The following FER1L5 variants were observed in gnomAD, a reference collection of about 807,000 sequenced individuals.
FER1L5 encodes fer-1-like protein 5.
In FER1L5, 187 loss-of-function variants were observed where a neutral mutation model predicts 279.9. The observed-to-expected ratio is 0.67, with a 90% CI of 0.59 to 0.75. The LOEUF is 0.75. Ranked by LOEUF, FER1L5 falls within the 30% of genes least tolerant of loss-of-function variation. The probability of loss-of-function intolerance (pLI) is 0.00; values close to 1 mark genes in which losing one functional copy is unlikely to be tolerated. For synonymous variants in FER1L5, 921 were observed against 989.7 expected (o/e 0.93, Z 1.30); for missense variants, 2,091 against 2,594.4 (o/e 0.81, Z 4.21).
chr2:96,689,945 A>G lies in FER1L5; in HGVS notation c.2640+187A>G, dbSNP rs2106634942. Among the ~76,000 whole-genome samples, 1 of 152,266 alleles carries G rather than the reference A, an allele frequency of 6.6e-6. No individual in the cohort carries two copies. The highest frequency in any genetic ancestry group is 1.9e-4 in the East Asian group (1 of 5,156). ...CACTGATGGGGTGAGGGGTTTGTAG[A>G]AATACCTTAAATAAGACTGAGAAAC... On this transcript the variant is annotated intron_variant, in intron 26 of 52. Transcript: ENST00000624922. This position sits in a 1 kb window ranked among gnomAD's most constrained non-coding sequence, Gnocchi z 4.6.
Position 96,668,698 on chromosome 2 carries a change from G to A in FER1L5, c.1141-53G>A, listed in dbSNP as rs1361977290. The A allele has an allele frequency of 3.2e-6, 5 of 1,548,126 alleles. No homozygotes were observed. The African/African-American group carries it at 5.5e-5, about 17-fold the overall frequency. On this transcript the variant is annotated intron_variant, in intron 14 of 52. Coordinates refer to ENST00000624922, the MANE Select transcript of FER1L5 (RefSeq NM_001293083.2). ...CTACCTGTTCTTAAAATCTCCACGA[G>A]GGCCAGACCATCCCAATGTGTACCC...
At chr2:96,652,075 G>C (rs550567021) in intron 7 of FER1L5, 55 bp downstream of exon 7, 9 of 1,549,290 alleles carry the variant, frequency 5.8e-6, no homozygotes, top group Non-Finnish European at 7.9e-6. Flanking sequence ...GGGCATCCCC[G>C]GTGGGCAGCC....
In FER1L5 at chr2:96,647,111, C is replaced by T; in HGVS notation, c.186C>T (p.Phe62=). 1 of 1,551,648 alleles carries T rather than the reference C, an allele frequency of 6.4e-7. No individual in the cohort carries two copies. Among genetic ancestry groups the T allele is most frequent in the Non-Finnish European group, 8.7e-7 (1 of 1,146,988 alleles). The change falls in exon 3 of 53, where the codon TTC becomes TTT. Residue 62 remains phenylalanine (F), a synonymous_variant. Coordinates refer to ENST00000624922, the MANE Select transcript of FER1L5 (RefSeq NM_001293083.2). ...LWNRPLENDS[F]LQVTLQDMGS... The stretch of plus-strand genomic sequence containing the variant: ...ACCGCCCCCTGGAAAATGACTCCTT[C>T]CTGCAAGTCACCCTTCAGGACATGG...
chr2:96,664,334 T>A (rs2076055563), intron 14 of FER1L5, among the ~76,000 whole-genome samples: 1 of 152,168 alleles, frequency 6.6e-6, no homozygotes, highest in African/African-American at 2.4e-5. Context: ...AATCCCTCCC[T>A]GTGATTCCTA....
chr2:96,652,624 T>C, intron 7 of FER1L5: 1 of 157,834 alleles, frequency 6.3e-6, no homozygotes, highest in Non-Finnish European at 1.4e-5. Flanking sequence ...GCCGCAGACT[T>C]GACAGCAGAA....
intron 23 of FER1L5, 53 bp from the exon 24 acceptor site, chr2:96,687,763 G>A (rs2076985224): frequency 1.9e-6 from 3 of 1,543,104 alleles, no homozygotes; most frequent in Non-Finnish European, 2.6e-6. Context: ...GGTGGCCGGG[G>A]TGGCGTTCAG....
rs748260595 is a variant in FER1L5, at chr2:96,698,794, C to G, written c.4480C>G (p.Arg1494Gly). ...GTGCTTGGTGCGGGTGTACATGGTA[C>G]GAGCCATCAACCTGCAGCCCCAGGA... ...QPCLVRVYMV[R>G]AINLQPQDYN... The change falls in exon 41 of 53, where the codon CGA (arginine) becomes GGA (glycine). Residue 1494 changes from arginine (R) to glycine (G), a missense_variant. Physicochemically the swap from Arg to Gly is moderately radical, Grantham distance 125. Coordinates refer to ENST00000624922, the MANE Select transcript of FER1L5 (RefSeq NM_001293083.2). The surrounding 1 kb of genome is among the most constrained non-coding windows in gnomAD (Gnocchi z 5.5). The G allele has an allele frequency of 3.8e-6, 6 of 1,565,600 alleles. No individual in the cohort carries two copies. Among genetic ancestry groups the G allele is most frequent in the Non-Finnish European group, 5.2e-6 (6 of 1,155,450 alleles).
At chr2:96,679,488 C>T (rs113040011) in intron 19 of FER1L5, among the ~76,000 whole-genome samples, 3,151 of 152,186 alleles carry the variant, frequency 0.021, 108 homozygotes, top group African/African-American at 0.07. Flanking sequence ...TCCCAAAGTG[C>T]TGGGATTACA....
intron 10 of FER1L5, among the ~76,000 whole-genome samples, 158 bp from the exon 11 acceptor site, chr2:96,661,167 C>T (rs1400567112): frequency 2.6e-5 from 4 of 152,268 alleles, no homozygotes; most frequent in East Asian, 3.9e-4. Context: ...ATCATTGCTT[C>T]GTGGTACGAG....
At chr2:96,647,233 A>G (rs531788792) in intron 3 of FER1L5, 78 bp downstream of exon 3, 3 of 1,431,884 alleles carry the variant, frequency 2.1e-6, no homozygotes, top group Admixed American at 2.0e-5. Context: ...TCTCTAATCC[A>G]TAACTCACTC....
Position 96,702,960 on chromosome 2 carries a change from C to A in FER1L5, c.5398-18C>A. On this transcript the variant is annotated intron_variant, in intron 48 of 52. Coordinates refer to ENST00000624922, the MANE Select transcript of FER1L5 (RefSeq NM_001293083.2). The surrounding 1 kb of genome is among the most constrained non-coding windows in gnomAD (Gnocchi z 4.0). ...CCAGGAGACAGGCCGGTAACACGCC[C>A]TTCCGCCATTTCCCCAGGATTACAT... is the stretch of plus-strand genomic sequence containing the variant. The A allele has an allele frequency of 6.2e-7, 1 of 1,605,076 alleles. No homozygotes were observed.
rs2075305157 is a variant in FER1L5 at position 96,650,211 on chromosome 2, A to G, written c.426A>G (p.Arg142=). The stretch of plus-strand genomic sequence containing the variant: ...AAGACCACCTGGGCATAACGGCAAG[A>G]GAGGCAGCCAGTCAGAAACTGATGG... ...GAEDHLGITA[R]EAASQKLMVP... The change falls in exon 6 of 53, where the codon AGA becomes AGG. Residue 142 remains arginine (R), a synonymous_variant. Transcript: ENST00000624922. 7 of 1,551,736 alleles carry G rather than the reference A, an allele frequency of 4.5e-6. No individual in the cohort carries two copies. Among genetic ancestry groups the G allele is most frequent in the Non-Finnish European group, 6.1e-6 (7 of 1,147,006 alleles).
At chr2:96,659,291 T>TCCTTCCTTCCC (rs1558852459) in intron 9 of FER1L5, among the ~76,000 whole-genome samples, 8 of 27,612 alleles carry the variant, frequency 2.9e-4, no homozygotes, top group Admixed American at 9.5e-4. Flanking sequence ...TTATCAAGCT[T>TCCTTCCTTCCC]TCCTTCCTTC....
chr2:96,669,095 T>C lies in FER1L5; in HGVS notation c.1320T>C (p.His440=), dbSNP rs183385561. ...PCFGPSFLTL[H]GGKKAPFRIQ... ...TTGGCCCCAGCTTCCTGACTCTGCA[T>C]GGGGGTAAAAAGGCCCCTTTCAGGA... The change falls in exon 17 of 53, where the codon CAT becomes CAC. Residue 440 remains histidine, a synonymous_variant. Coordinates refer to ENST00000624922, the MANE Select transcript of FER1L5 (RefSeq NM_001293083.2). 5.9e-4 allele frequency: 912 copies of C among 1,551,620 alleles called. 10 individuals are homozygous for C. The African/African-American group carries it at 0.012, about 20-fold the overall frequency.
rs1474261886 is a variant in FER1L5 at position 96,649,687 on chromosome 2, TCCCTGGAGCTTA to T, written c.394+15_394+26del. 6.4e-7 allele frequency: 1 copy of T among 1,551,462 alleles called. No homozygotes were observed. The highest frequency in any genetic ancestry group is 1.2e-5 in the South Asian group (1 of 84,044). On this transcript the variant is annotated intron_variant, in intron 5 of 52. Coordinates refer to ENST00000624922, the MANE Select transcript of FER1L5 (RefSeq NM_001293083.2). ...GATATTGAGAAGACAGGTATGTCCT[TCCCTGGAGCTTA>T]CCCTTAAGGGCCTACCCTGCCTTTC...
In FER1L5 at chr2:96,702,081, A is replaced by G. The variant is rs374716258; in HGVS notation, c.5159+38A>G. 3.1e-5 allele frequency: 50 copies of G among 1,607,776 alleles called. No individual in the cohort carries two copies. The highest frequency in any genetic ancestry group is 5.0e-5 in the Admixed American group (3 of 59,792). On this transcript the variant is annotated intron_variant, in intron 46 of 52. Coordinates refer to ENST00000624922, the MANE Select transcript of FER1L5 (RefSeq NM_001293083.2). The surrounding 1 kb of genome is among the most constrained non-coding windows in gnomAD (Gnocchi z 4.0). ...CCACTTCCCAACTGCTGCATTTCAC[A>G]GTTCAGAACTCCCCCAGTGCAGGGC... is the stretch of plus-strand genomic sequence containing the variant.
chr2:96,695,678 C>T lies in FER1L5; in HGVS notation c.3894+17C>T, dbSNP rs1280344006. On this transcript the variant is annotated intron_variant, in intron 35 of 52. Transcript: ENST00000624922. Reference sequence around the variant, plus strand: ...CTCACAGTGGTAAGAGGCCCCAGGGCAGGGGCTGGGCAGCCCTCTTCTTCT... The same window carrying T: ...CTCACAGTGGTAAGAGGCCCCAGGGTAGGGGCTGGGCAGCCCTCTTCTTCT... 6.2e-7 allele frequency: 1 copy of T among 1,605,090 alleles called. No individual in the cohort carries two copies. Among genetic ancestry groups the T allele is most frequent in the South Asian group, 1.1e-5 (1 of 89,670 alleles).
Position 96,692,107 on chromosome 2 carries a change from C to T in FER1L5, c.3218C>T (p.Pro1073Leu), listed in dbSNP as rs2077176624. The change falls in exon 31 of 53, where the codon CCC becomes CTC. Residue 1073 changes from proline (P) to leucine (L), a missense_variant. Transcript: ENST00000624922. ...LPFIYCTFNK[P>L]HYYQLFCYIY... ...GGCATGGCTTCTCTTTCCCCAGAGCCCCACTACTACCAGCTCTTCTGCTAC... is the reference window on the plus strand; with the variant it reads ...GGCATGGCTTCTCTTTCCCCAGAGCTCCACTACTACCAGCTCTTCTGCTAC... 2 of 1,551,446 alleles carry T rather than the reference C, an allele frequency of 1.3e-6. No individual in the cohort carries two copies. Among genetic ancestry groups the T allele is most frequent in the Non-Finnish European group, 1.7e-6 (2 of 1,146,932 alleles).
Position 96,673,136 on chromosome 2 carries a change from G to A in FER1L5, c.1551G>A (p.Met517Ile). The change falls in exon 19 of 53, where the codon ATG becomes ATA. Residue 517 changes from methionine (M) to isoleucine (I), a missense_variant. Met to Ile is a conservative substitution (Grantham distance 10). Coordinates refer to ENST00000624922, the MANE Select transcript of FER1L5 (RefSeq NM_001293083.2). ...TCATCTTCCTTTCCTGTACCATGAT[G>A]CCCAACTTTAAAGAGCTGATCCATT... ...LCVIFLSCTM[M>I]PNFKELIHFE... 1 of 1,551,498 alleles carries A rather than the reference G, an allele frequency of 6.4e-7. No individual in the cohort carries two copies. The highest frequency in any genetic ancestry group is 1.2e-5 in the South Asian group (1 of 84,046).
Sources: allele counts gnomAD v4.1 joint callset (sites outside exome capture counted in the v4.1 genomes callset), GRCh38; gene constraint gnomAD v4.1.1; non-coding constraint Gnocchi (gnomAD v3.1); transcripts MANE v1.5; gene names NCBI Gene and HGNC (gene_info 2026-07-23, HGNC 2026-07-21).